Variants in HMBOX1 observed in about 807,000 individuals in gnomAD.
HMBOX1 encodes homeobox containing 1, also known as homeobox-containing protein 1.
HMBOX1 carries 14 observed loss-of-function variants against 54.5 expected under a neutral mutation model. That is an observed-to-expected ratio of 0.26 (90% CI 0.17 to 0.40). The LOEUF (loss-of-function observed/expected upper bound fraction) is 0.40, where lower values mean the gene tolerates loss of function less well. HMBOX1 is among the 10% of genes least tolerant of loss of function. The probability of loss-of-function intolerance (pLI) is 1.00; values close to 1 mark genes in which losing one functional copy is unlikely to be tolerated. For missense variants in HMBOX1, 332 were observed against 514.4 expected, an observed-to-expected ratio of 0.65 and a Z score of 3.43; for synonymous variants, 160 against 181.0, an observed-to-expected ratio of 0.88 and a Z score of 0.93.
chr8:28,941,986 C>A (rs1821511988), intron 1 of HMBOX1, among the ~76,000 whole-genome samples: 1 of 152,184 alleles, frequency 6.6e-6, no homozygotes. Flanking sequence ...TCTTTCCTTA[C>A]AGCCTCCTTG....
chr8:28,958,522 T>C (rs1238430701), intron 1 of HMBOX1, among the ~76,000 whole-genome samples: 1 of 152,184 alleles, frequency 6.6e-6, no homozygotes, highest in Admixed American at 6.5e-5. Context: ...AAATAATTTT[T>C]TAAAAAAGCT....
chr8:28,892,106 A>G (rs1811131338), intron 1 of HMBOX1, among the ~76,000 whole-genome samples: 1 of 151,994 alleles, frequency 6.6e-6, no homozygotes, highest in African/African-American at 2.4e-5. Flanking sequence ...GTTTGTGCTA[A>G]TATGGTTGTG....
chr8:28,971,078 G>A (rs981915440), intron 3 of HMBOX1, among the ~76,000 whole-genome samples: 4 of 125,186 alleles, frequency 3.2e-5, no homozygotes, highest in Non-Finnish European at 6.6e-5. Context: ...ACTGAGAAAA[G>A]AAATCTACTT....
At chr8:29,049,514 C>T (rs1806122561) in intron 9 of HMBOX1, 1 of 1,411,144 alleles carries the variant, frequency 7.1e-7, no homozygotes, top group Non-Finnish European at 9.3e-7. Flanking sequence ...ACTCTGGCCC[C>T]ACTGCAGTGG....
intron 5 of HMBOX1, among the ~76,000 whole-genome samples, chr8:29,018,488 GTTATT>G (rs1377751046): frequency 1.3e-5 from 2 of 151,978 alleles, no homozygotes; most frequent in Non-Finnish European, 2.9e-5. Flanking sequence ...AAGAATTAGG[GTTATT>G]TTAAGTTTGT....
chr8:29,047,559 CTT>C, intron 8 of HMBOX1, 106 bp downstream of exon 8: 1 of 488,320 alleles, frequency 2.0e-6, no homozygotes, highest in Non-Finnish European at 3.6e-6. Flanking sequence ...AGGATCCTAA[CTT>C]CTCTTTTTTT....
chr8:28,939,843 C>T (rs1821055597), intron 1 of HMBOX1, among the ~76,000 whole-genome samples: 2 of 152,004 alleles, frequency 1.3e-5, no homozygotes, highest in African/African-American at 4.8e-5. Flanking sequence ...GCCCTAACCT[C>T]ACACTCTGAT....
intron 6 of HMBOX1, among the ~76,000 whole-genome samples, chr8:29,040,078 T>C (rs1209240509): frequency 6.6e-6 from 1 of 152,200 alleles, no homozygotes; most frequent in African/African-American, 2.4e-5. Flanking sequence ...CTCAGAAGCC[T>C]GCCTAATTCA....
intron 1 of HMBOX1, among the ~76,000 whole-genome samples, chr8:28,919,368 C>T (rs899387329): frequency 2.6e-5 from 4 of 152,064 alleles, no homozygotes; most frequent in African/African-American, 4.8e-5. Flanking sequence ...AATTCTCTGG[C>T]CTTTTTATTG....
intron 5 of HMBOX1, among the ~76,000 whole-genome samples, chr8:29,015,878 A>G (rs1834920571): frequency 6.6e-6 from 1 of 152,230 alleles, no homozygotes; most frequent in East Asian, 1.9e-4. Context: ...TAAATGAATG[A>G]GCATGAGCAT....
At chr8:29,049,808 C>A (rs940552176) in intron 9 of HMBOX1, among the ~76,000 whole-genome samples, 6 of 152,218 alleles carry the variant, frequency 3.9e-5, no homozygotes, top group Non-Finnish European at 2.9e-5. Flanking sequence ...ATGGTACCTT[C>A]CCCTAGACCA....
intron 6 of HMBOX1, among the ~76,000 whole-genome samples, chr8:29,021,800 C>T (rs534127928): frequency 4.1e-5 from 6 of 145,936 alleles, no homozygotes; most frequent in African/African-American, 7.7e-5. Context: ...GCAGAGCTTG[C>T]GGTGAGCCGA....
chr8:28,989,587 A>G (rs1167131839), intron 4 of HMBOX1, among the ~76,000 whole-genome samples: 5 of 152,204 alleles, frequency 3.3e-5, no homozygotes, highest in African/African-American at 9.7e-5. Flanking sequence ...CTATCCTTAT[A>G]CCAATACAAA....
At chr8:29,042,050 G>C (rs1185447781) in intron 6 of HMBOX1, among the ~76,000 whole-genome samples, 1 of 152,126 alleles carries the variant, frequency 6.6e-6, no homozygotes, top group African/African-American at 2.4e-5. Flanking sequence ...TCAAATCTAA[G>C]AAGGCCTTGA....
At chr8:29,047,798 C>G (rs1805817643) in intron 8 of HMBOX1, among the ~76,000 whole-genome samples, 1 of 152,066 alleles carries the variant, frequency 6.6e-6, no homozygotes, top group African/African-American at 2.4e-5. Context: ...AACTCCCGAC[C>G]TCAGGTGATC....
chr8:29,019,239 A>G (rs1315902540), intron 6 of HMBOX1, among the ~76,000 whole-genome samples: 2 of 152,220 alleles, frequency 1.3e-5, no homozygotes, highest in African/African-American at 4.8e-5. Context: ...CTTTTCATCA[A>G]AAATAATGAA....
At chr8:28,960,753 C>CTT (rs1023356056) in intron 1 of HMBOX1, among the ~76,000 whole-genome samples, 22 of 65,618 alleles carry the variant, frequency 3.4e-4, no homozygotes, top group African/African-American at 5.6e-4. Flanking sequence ...TTCTCTTTTT[C>CTT]TTTTTCTTTT....
intron 2 of HMBOX1, among the ~76,000 whole-genome samples, chr8:28,966,634 T>C (rs571022891): frequency 1.3e-5 from 2 of 152,316 alleles, no homozygotes; most frequent in African/African-American, 2.4e-5. Flanking sequence ...TGCCGGAGTA[T>C]ATGCCTTTGT....
intron 6 of HMBOX1, among the ~76,000 whole-genome samples, chr8:29,036,326 T>C (rs571004988): frequency 3.3e-5 from 5 of 152,214 alleles, no homozygotes; most frequent in Non-Finnish European, 7.3e-5. Context: ...AAAAGCATCC[T>C]ACCATCCTGA....
Sources: allele counts gnomAD v4.1 joint callset (sites outside exome capture counted in the v4.1 genomes callset), GRCh38; gene constraint gnomAD v4.1.1; transcripts MANE v1.5; gene names NCBI Gene and HGNC (gene_info 2026-07-23, HGNC 2026-07-21).